The following LRMDA variants were observed in gnomAD, a reference collection of about 807,000 sequenced individuals.
LRMDA encodes the protein leucine-rich melanocyte differentiation-associated protein.
In LRMDA, 18 loss-of-function variants were observed where a neutral mutation model predicts 29.8. The observed-to-expected ratio is 0.60, with a 90% CI of 0.42 to 0.90. LRMDA has a LOEUF of 0.90. Ranked by LOEUF, LRMDA falls within the 40% of genes least tolerant of loss-of-function variation. The probability of loss-of-function intolerance (pLI) is 0.00; values close to 1 mark genes in which losing one functional copy is unlikely to be tolerated. For synonymous variants in LRMDA, 125 were observed against 109.4 expected, an observed-to-expected ratio of 1.14 and a Z score of -0.89; for missense variants, 273 against 273.9, an observed-to-expected ratio of 1.00 and a Z score of 0.02.
At chr10:76,462,075 A>C (rs2894335) in intron 6 of LRMDA, among the ~76,000 whole-genome samples, 2,188 of 69,822 alleles carry the variant, frequency 0.031, 51 homozygotes, top group African/African-American at 0.077. Context: ...AAAAAAAAAA[A>C]ACCACACACA....
At chr10:76,150,904 C>T (rs147991865) in intron 5 of LRMDA, among the ~76,000 whole-genome samples, 4 of 152,250 alleles carry the variant, frequency 2.6e-5, no homozygotes, top group South Asian at 2.1e-4. Context: ...TTTAAACCTT[C>T]GAGAGCTTGC....
chr10:75,697,832 A>AGGGTGTGTGTGTGTGTGTGTGT, intron 2 of LRMDA, among the ~76,000 whole-genome samples: 1 of 123,158 alleles, frequency 8.1e-6, no homozygotes, highest in African/African-American at 3.7e-5. Flanking sequence ...TGTGCATGTA[A>AGGGTGTGTGTGTGTGTGTGTGT]GAGTGTGTGT....
At chr10:76,132,808 T>G (rs922043782) in intron 5 of LRMDA, among the ~76,000 whole-genome samples, 11 of 148,380 alleles carry the variant, frequency 7.4e-5, no homozygotes, top group African/African-American at 2.9e-4. Flanking sequence ...AGCACCTTCT[T>G]TTTTGGCGGG....
chr10:75,998,101 G>A (rs1847502716), intron 2 of LRMDA, among the ~76,000 whole-genome samples: 1 of 152,168 alleles, frequency 6.6e-6, no homozygotes, highest in East Asian at 1.9e-4. Context: ...AGGTAACTGT[G>A]GTGAAGTATG....
At chr10:75,598,741 T>C (rs1158805675) in intron 2 of LRMDA, among the ~76,000 whole-genome samples, 1 of 152,188 alleles carries the variant, frequency 6.6e-6, no homozygotes, top group Non-Finnish European at 1.5e-5. Context: ...TTCTTACGCA[T>C]ACCTAGTATA....
At chr10:76,180,277 CTTTTTTTTTTTTTTT>C (rs34563574) in intron 5 of LRMDA, among the ~76,000 whole-genome samples, 1 of 89,864 alleles carries the variant, frequency 1.1e-5, no homozygotes, top group Non-Finnish European at 2.0e-5. Flanking sequence ...TTGGAAAAAA[CTTTTTTTTTTTTTTT>C]TTTTTTTTTT....
chr10:76,490,041 A>T (rs1372923020), intron 6 of LRMDA, among the ~76,000 whole-genome samples: 1 of 151,974 alleles, frequency 6.6e-6, no homozygotes, highest in African/African-American at 2.4e-5. Context: ...TCATTAATTT[A>T]TTCATTGACC....
chr10:75,600,656 G>A lies in LRMDA; in HGVS notation c.131+162162G>A, dbSNP rs998809529. On this transcript the variant is annotated intron_variant, in intron 2 of 6. Coordinates refer to ENST00000611255, the MANE Select transcript of LRMDA (RefSeq NM_001305581.2). The stretch of plus-strand genomic sequence containing the variant: ...GTTTGTGGGGCAGGGGTAGTGTGGG[G>A]TATACTGCATGAAGACCATCCACAG... Among the ~76,000 whole-genome samples the A allele has an allele frequency of 3.3e-5, 5 of 152,118 alleles. 1 individual carries two copies. In the South Asian group the frequency reaches 1.0e-3, roughly 32 times the overall value.
chr10:75,651,681 G>C (rs184261436), intron 2 of LRMDA, among the ~76,000 whole-genome samples: 1 of 152,180 alleles, frequency 6.6e-6, no homozygotes, highest in Non-Finnish European at 1.5e-5. Flanking sequence ...GCTGTTAACA[G>C]CACCTCCCGG....
chr10:76,215,660 C>T (rs534699568), intron 5 of LRMDA, among the ~76,000 whole-genome samples: 1 of 152,242 alleles, frequency 6.6e-6, no homozygotes, highest in East Asian at 1.9e-4. Context: ...TCTTCTACAT[C>T]TGAAGTTATC....
chr10:75,514,891 G>A (rs927099756), intron 2 of LRMDA, among the ~76,000 whole-genome samples: 6 of 152,008 alleles, frequency 3.9e-5, no homozygotes, highest in African/African-American at 7.3e-5. Context: ...CAGGGTCAGA[G>A]GCTGTGCCTG....
At chr10:76,043,071 G>T (rs576188745) in intron 3 of LRMDA, among the ~76,000 whole-genome samples, 1 of 152,022 alleles carries the variant, frequency 6.6e-6, no homozygotes, top group African/African-American at 2.4e-5. Context: ...GCAGTGAGCC[G>T]AGATCACGCC....
chr10:75,708,589 G>A (rs924243655), intron 2 of LRMDA, among the ~76,000 whole-genome samples: 1 of 152,100 alleles, frequency 6.6e-6, no homozygotes, highest in African/African-American at 2.4e-5. Context: ...CGTCATCAAA[G>A]CGATGTGATC....
chr10:75,986,232 G>A (rs955068958), intron 2 of LRMDA, among the ~76,000 whole-genome samples: 1 of 152,160 alleles, frequency 6.6e-6, no homozygotes, highest in African/African-American at 2.4e-5. Context: ...TTCTGGCGGA[G>A]GTATGGGTAA....
chr10:75,923,323 G>T (rs1409039226), intron 2 of LRMDA, among the ~76,000 whole-genome samples: 1 of 152,194 alleles, frequency 6.6e-6, no homozygotes, highest in African/African-American at 2.4e-5. Context: ...TATAGTCAAT[G>T]AAGTCAATGG....
At chr10:76,427,394 GCTCT>G (rs1432891040) in intron 6 of LRMDA, among the ~76,000 whole-genome samples, 1 of 151,874 alleles carries the variant, frequency 6.6e-6, no homozygotes, top group East Asian at 1.9e-4. Context: ...TCATGATTTG[GCTCT>G]CTGTTTGTCT....
intron 5 of LRMDA, among the ~76,000 whole-genome samples, chr10:76,128,379 G>C (rs1207861453): frequency 7.2e-5 from 11 of 152,196 alleles, no homozygotes; most frequent in Non-Finnish European, 1.6e-4. Context: ...AGAGCAGGAG[G>C]CTGAAGTTCT....
rs1475459412 is a variant in LRMDA at position 76,363,217 on chromosome 10, G to GGGAGAGAGAGAGAGAA, written c.601+38732_601+38733insGGAGAGAGAGAGAGAA. ...GGGAGGGAGGGAGGGAGGGAAGGAA[G>GGGAGAGAGAGAGAGAA]AGAAAGAAAGAAAGAAAGAAAGAAA... On this transcript the variant is annotated intron_variant, in intron 6 of 6. Coordinates refer to ENST00000611255, the MANE Select transcript of LRMDA (RefSeq NM_001305581.2). 1.8e-3 allele frequency among the ~76,000 whole-genome samples: 33 copies of GGGAGAGAGAGAGAGAA among 18,064 alleles called. 4 individuals carry two copies. Among genetic ancestry groups the GGGAGAGAGAGAGAGAA allele is most frequent in the African/African-American group, 6.4e-3 (25 of 3,882 alleles). 11.9% of individuals were successfully genotyped at this position (18,064 alleles called of 152,430 possible).
At chr10:75,646,087 C>A (rs908848959) in intron 2 of LRMDA, among the ~76,000 whole-genome samples, 1 of 151,548 alleles carries the variant, frequency 6.6e-6, no homozygotes, top group African/African-American at 2.4e-5. Flanking sequence ...TTCTCTCCCT[C>A]CCCCCACATT....
Sources: allele counts gnomAD v4.1 joint callset (sites outside exome capture counted in the v4.1 genomes callset), GRCh38; gene constraint gnomAD v4.1.1; transcripts MANE v1.5; gene names NCBI Gene and HGNC (gene_info 2026-07-23, HGNC 2026-07-21).